The following DCP1B variants were observed in gnomAD, a reference collection of about 807,000 sequenced individuals.
DCP1B encodes the protein mRNA-decapping enzyme 1B.
A neutral mutation model predicts 60.5 loss-of-function variants in DCP1B; 47 were observed. That is an observed-to-expected ratio of 0.78 (90% CI 0.61 to 0.99). The LOEUF is 0.99. Among genes scored for constraint, DCP1B ranks in the 50% least tolerant of loss-of-function variants. The pLI, the probability that DCP1B is intolerant of heterozygous loss-of-function variation, is 0.00. For synonymous variants in DCP1B, 267 were observed against 280.3 expected, an observed-to-expected ratio of 0.95 and a Z score of 0.47; for missense variants, 725 against 756.8, an observed-to-expected ratio of 0.96 and a Z score of 0.49.
chr12:1,993,627 G>GGTGTGTGTGTGTGT (rs150056084), intron 2 of DCP1B, among the ~76,000 whole-genome samples: 2,566 of 146,626 alleles, frequency 0.018, 25 homozygotes, highest in African/African-American at 0.033. Context: ...CTTCATTTGT[G>GGTGTGTGTGTGTGT]GTGTGTGTGT....
In DCP1B at chr12:1,971,929, T is replaced by C. The variant is rs1319279360; in HGVS notation, c.320-4019A>G. Among the ~76,000 whole-genome samples, 1 of 152,242 alleles carries C rather than the reference T, an allele frequency of 6.6e-6. No individual in the cohort carries two copies. Among genetic ancestry groups the C allele is most frequent in the Non-Finnish European group, 1.5e-5 (1 of 68,040 alleles). On this transcript the variant is annotated intron_variant, in intron 3 of 8. Transcript: ENST00000280665. This position sits in a 1 kb window ranked among gnomAD's most constrained non-coding sequence, Gnocchi z 4.2. ...GTCTAATGAGGACATGTGATAATGT[T>C]TGTGTAAATTTTTAAAAGAAGATAT...
At position 1,952,995 on chromosome 12, in the gene DCP1B, A is replaced by T; in HGVS notation, c.945T>A (p.Pro315=). The change falls in exon 7 of 9, where the codon CCT becomes CCA. Residue 315 remains proline, a synonymous_variant. Transcript: ENST00000280665. ...HPLSELPENR[P]CENGSTHSAG... ...CAGAATGGGTACTGCCATTTTCACA[A>T]GGCCGGTTTTCAGGCAGCTCTGACA... The T allele has an allele frequency of 1.2e-6, 2 of 1,614,124 alleles. No homozygotes were observed. Among genetic ancestry groups the T allele is most frequent in the Non-Finnish European group, 8.5e-7 (1 of 1,179,982 alleles).
chr12:1,956,234 C>T (rs553624220), intron 5 of DCP1B, among the ~76,000 whole-genome samples: 1 of 152,294 alleles, frequency 6.6e-6, no homozygotes, highest in South Asian at 2.1e-4. Context: ...CATGCAATTG[C>T]TAACACAGTA....
chr12:1,954,470 A>G (rs984621766), intron 6 of DCP1B, among the ~76,000 whole-genome samples: 1 of 152,162 alleles, frequency 6.6e-6, no homozygotes, highest in Non-Finnish European at 1.5e-5. Context: ...CAGCAATATT[A>G]TATTTACAAT....
Position 1,962,747 on chromosome 12 carries a change from T to A in DCP1B, c.522+2811A>T, listed in dbSNP as rs1429251864. ...CTGTCCAGGCCATACAATAGAAGGA[T>A]AATTAAACTGTGGCTCATTCACATT... On this transcript the variant is annotated intron_variant, in intron 5 of 8. Coordinates refer to ENST00000280665, the MANE Select transcript of DCP1B (RefSeq NM_152640.5). This position sits in a 1 kb window ranked among gnomAD's most constrained non-coding sequence, Gnocchi z 4.4. Among the ~76,000 whole-genome samples the A allele has an allele frequency of 6.6e-6, 1 of 152,182 alleles. No individual in the cohort carries two copies. The highest frequency in any genetic ancestry group is 1.5e-5 in the Non-Finnish European group (1 of 68,038).
chr12:1,979,070 C>A (rs898755009), intron 3 of DCP1B, among the ~76,000 whole-genome samples: 1 of 150,576 alleles, frequency 6.6e-6, no homozygotes, highest in African/African-American at 2.4e-5. Flanking sequence ...AGTGCAATGG[C>A]GCGATCTTGG....
intron 3 of DCP1B, 51 bp downstream of exon 3, chr12:1,993,213 C>T: frequency 6.2e-7 from 1 of 1,613,604 alleles, no homozygotes; most frequent in South Asian, 1.1e-5. Flanking sequence ...ATTTTAAACA[C>T]TTGGCCAAAC....
At chr12:1,995,237 A>T (rs762014410) in intron 2 of DCP1B, among the ~76,000 whole-genome samples, 2 of 152,180 alleles carry the variant, frequency 1.3e-5, no homozygotes, top group Non-Finnish European at 2.9e-5. Flanking sequence ...CCTACTAAAA[A>T]TTCCCCAAAT....
chr12:1,982,017 T>A (rs1330201225), intron 3 of DCP1B, among the ~76,000 whole-genome samples: 2 of 152,172 alleles, frequency 1.3e-5, no homozygotes, highest in Non-Finnish European at 2.9e-5. Context: ...CAGCTTTAAA[T>A]GTTAGGTGAA....
At chr12:1,994,230 T>TA (rs2040247776) in intron 2 of DCP1B, among the ~76,000 whole-genome samples, 3 of 152,222 alleles carry the variant, frequency 2.0e-5, no homozygotes, top group African/African-American at 7.2e-5. Context: ...AAACACCACA[T>TA]ACTTACACAC....
At chr12:1,981,060 A>G (rs1459316712) in intron 3 of DCP1B, among the ~76,000 whole-genome samples, 1 of 152,218 alleles carries the variant, frequency 6.6e-6, no homozygotes, top group Admixed American at 6.5e-5. Context: ...CCCACATTAC[A>G]TATCTCTTCC....
At chr12:1,950,369 T>C in intron 7 of DCP1B, 1 of 702,356 alleles carries the variant, frequency 1.4e-6, no homozygotes, top group Non-Finnish European at 2.6e-6. Context: ...CTCTTGATAT[T>C]TGTGAGTACT....
intron 6 of DCP1B, among the ~76,000 whole-genome samples, chr12:1,954,352 C>A (rs2030801717): frequency 6.6e-6 from 1 of 152,056 alleles, no homozygotes; most frequent in South Asian, 2.1e-4. Flanking sequence ...ATAAGATTTT[C>A]ATTACTAGTC....
At chr12:1,944,950 A>G (rs541802986), downstream of DCP1B, among the ~76,000 whole-genome samples, 6 of 152,374 alleles carry the variant, frequency 3.9e-5, no homozygotes, top group East Asian at 1.2e-3. Context: ...TGATTAAACT[A>G]AAGAGTTTCT....
intron 3 of DCP1B, among the ~76,000 whole-genome samples, chr12:1,974,879 T>C (rs1324361213): frequency 6.6e-6 from 1 of 152,172 alleles, no homozygotes; most frequent in Non-Finnish European, 1.5e-5. Context: ...AACATGTCTA[T>C]TTATGCTTAA....
At position 1,993,404 on chromosome 12, in the gene DCP1B, A is replaced by G; in HGVS notation, c.192-13T>C. Reference sequence around the variant, plus strand: ...TGGAGAAGCAGACCTAAAAATCACAAGGAGTCAGGGGGAAATCAATAGACA... The same window carrying G: ...TGGAGAAGCAGACCTAAAAATCACAGGGAGTCAGGGGGAAATCAATAGACA... On this transcript the variant is annotated splice_polypyrimidine_tract_variant and intron_variant, in intron 2 of 8. Coordinates refer to ENST00000280665, the MANE Select transcript of DCP1B (RefSeq NM_152640.5). The G allele has an allele frequency of 6.2e-7, 1 of 1,608,830 alleles. No homozygotes were observed. The highest frequency in any genetic ancestry group is 2.2e-5 in the East Asian group (1 of 44,770).
chr12:1,945,391 C>T (rs767535224), downstream of DCP1B, among the ~76,000 whole-genome samples: 7 of 152,146 alleles, frequency 4.6e-5, no homozygotes, highest in Non-Finnish European at 8.8e-5. Context: ...GGATCTAGAA[C>T]CAGAAATACC....
At position 1,987,422 on chromosome 12, in the gene DCP1B, T is replaced by C. The variant is rs1025118106; in HGVS notation, c.319+5842A>G. On this transcript the variant is annotated intron_variant, in intron 3 of 8. Coordinates refer to ENST00000280665, the MANE Select transcript of DCP1B (RefSeq NM_152640.5). ...GTATTTTGATATCCAATTATATTTT[T>C]GGTTTTTATTTCCATAAAAATAATA... 7.2e-5 allele frequency among the ~76,000 whole-genome samples: 11 copies of C among 152,258 alleles called. 1 individual carries two copies. Among genetic ancestry groups the C allele is most frequent in the Admixed American group, 3.9e-4 (6 of 15,292 alleles).
intron 1 of DCP1B, among the ~76,000 whole-genome samples, chr12:2,002,352 G>A (rs1328872452): frequency 6.6e-6 from 1 of 152,210 alleles, no homozygotes; most frequent in African/African-American, 2.4e-5. Flanking sequence ...CAACTGCTCT[G>A]CAGTTGAACT....
Sources: allele counts gnomAD v4.1 joint callset (sites outside exome capture counted in the v4.1 genomes callset), GRCh38; gene constraint gnomAD v4.1.1; non-coding constraint Gnocchi (gnomAD v3.1); transcripts MANE v1.5; gene names NCBI Gene and HGNC (gene_info 2026-07-23, HGNC 2026-07-21).